The following DOCK8 variants were observed in gnomAD, a reference collection of about 807,000 sequenced individuals.
DOCK8 encodes the protein dedicator of cytokinesis 8, also known as dedicator of cytokinesis protein 8.
DOCK8 carries 141 observed loss-of-function variants against 245.6 expected under a neutral mutation model. The observed-to-expected ratio is 0.57, with a 90% CI of 0.50 to 0.66. DOCK8 has a LOEUF of 0.66. Among genes scored for constraint, DOCK8 ranks in the 30% least tolerant of loss-of-function variants. DOCK8 has a pLI of 0.00. For synonymous variants in DOCK8, 1,168 were observed against 970.2 expected (o/e 1.20, Z -3.79); for missense variants, 2,965 against 2,603.4 (o/e 1.14, Z -3.02).
At position 368,054 on chromosome 9, in the gene DOCK8, T is replaced by G. The variant is rs1476198473; in HGVS notation, c.1716T>G (p.Phe572Leu). Residue 572 changes from phenylalanine to leucine, a missense_variant, in exon 15 of 48, where the codon TTT becomes TTG. By Grantham distance (22) the Phe-to-Leu change is conservative. Around this residue, in one of 3 missense-constraint regions of DOCK8, gnomAD observed 2,825 missense variants for 2,453.5 expected, o/e 1.15. Coordinates refer to ENST00000432829, the MANE Select transcript of DOCK8 (RefSeq NM_203447.4). ...ATGTCTACCCACAGAGGCTGAACTT[T>G]GTAAACAAACTAGCATCAGCCCGGA... ...LLYVYPQRLN[F>L]VNKLASARNI... The G allele has an allele frequency of 6.2e-7, 1 of 1,614,216 alleles. No homozygotes were observed. The highest frequency in any genetic ancestry group is 8.5e-7 in the Non-Finnish European group (1 of 1,180,026).
chr9:412,669 A>T (rs968779032), intron 28 of DOCK8, among the ~76,000 whole-genome samples: 5 of 152,148 alleles, frequency 3.3e-5, no homozygotes, highest in African/African-American at 1.2e-4. Context: ...ATAAAATAGC[A>T]TCACAAAGAA....
intron 12 of DOCK8, among the ~76,000 whole-genome samples, chr9:337,464 G>C (rs1398813334): frequency 6.6e-6 from 1 of 152,126 alleles, no homozygotes; most frequent in Non-Finnish European, 1.5e-5. Context: ...CATTCATTAT[G>C]CTATGACAAC....
At chr9:386,560 C>A in intron 23 of DOCK8, 134 bp downstream of exon 23, 3 of 737,530 alleles carry the variant, frequency 4.1e-6, no homozygotes, top group Non-Finnish European at 4.7e-6. Context: ...ACACACCCCA[C>A]ACACACTTTT....
At chr9:423,185 A>G (rs1457106941) in intron 33 of DOCK8, among the ~76,000 whole-genome samples, 1 of 152,130 alleles carries the variant, frequency 6.6e-6, no homozygotes, top group African/African-American at 2.4e-5. Flanking sequence ...TGTTACCAGA[A>G]AAAAAATTAT....
chr9:269,088 A>G (rs1260480617), intron 1 of DOCK8, among the ~76,000 whole-genome samples: 2 of 152,230 alleles, frequency 1.3e-5, no homozygotes, highest in Admixed American at 1.3e-4. Context: ...ATATACTACA[A>G]AATTCACCCA....
At chr9:257,850 C>T (rs956808088) in intron 1 of DOCK8, among the ~76,000 whole-genome samples, 3 of 152,216 alleles carry the variant, frequency 2.0e-5, no homozygotes, top group African/African-American at 7.2e-5. Context: ...TAGCTGGGCC[C>T]ATCCCTAGAG....
chr9:374,452 T>TG (rs1431578950), intron 18 of DOCK8, among the ~76,000 whole-genome samples: 1 of 85,194 alleles, frequency 1.2e-5, no homozygotes, highest in Admixed American at 1.5e-4. Context: ...GGTCCTTTTG[T>TG]GTTTTTTTTT....
At chr9:296,329 T>C (rs1281419106) in intron 4 of DOCK8, among the ~76,000 whole-genome samples, 2 of 152,256 alleles carry the variant, frequency 1.3e-5, no homozygotes, top group Non-Finnish European at 2.9e-5. Context: ...CAAAGAGGGA[T>C]AAACTTCAGA....
intron 14 of DOCK8, among the ~76,000 whole-genome samples, chr9:351,015 C>T (rs1315646993): frequency 6.6e-6 from 1 of 152,092 alleles, no homozygotes; most frequent in Non-Finnish European, 1.5e-5. Context: ...GGGATGAGGC[C>T]GATTGACAAT....
intron 1 of DOCK8, among the ~76,000 whole-genome samples, chr9:223,102 C>T (rs1027240616): frequency 2.0e-5 from 3 of 152,016 alleles, no homozygotes; most frequent in Non-Finnish European, 4.4e-5. Flanking sequence ...GTAGTTAGTA[C>T]CACTCTGCTC....
chr9:316,975 G>A (rs1214077405), intron 6 of DOCK8, 68 bp from the exon 7 acceptor site: 2 of 1,277,908 alleles, frequency 1.6e-6, no homozygotes, highest in Admixed American at 1.7e-5. Context: ...TCCCTTCCCT[G>A]GGTTAACTCT....
chr9:441,307 A>G lies in DOCK8; in HGVS notation c.5245A>G (p.Asn1749Asp). Residue 1749 changes from asparagine to aspartate, a missense_variant, in exon 41 of 48, where the codon AAT (asparagine) becomes GAT (aspartate). Around this residue, in one of 3 missense-constraint regions of DOCK8, gnomAD observed 2,825 missense variants for 2,453.5 expected, o/e 1.15. Transcript: ENST00000432829. ...CAAGGGAGGCTTATATGAGACAGTT[A>G]ATGAGGTCTACAAGCTGGTCATCCC... Reference protein sequence around the residue: ...FSTGGLYETVNEVYKLVIPIL... With the variant: ...FSTGGLYETVDEVYKLVIPIL... 6.2e-7 allele frequency: 1 copy of G among 1,614,212 alleles called. No individual in the cohort carries two copies. Among genetic ancestry groups the G allele is most frequent in the Non-Finnish European group, 8.5e-7 (1 of 1,180,044 alleles).
rs73370597 is a variant in DOCK8, at chr9:215,296, A to G, written c.53+267A>G. The G allele has an allele frequency of 0.041, 65,819 of 1,605,700 alleles. 1,625 individuals are homozygous for G. The highest frequency in any genetic ancestry group is 0.083 in the Middle Eastern group (501 of 6,002). Reference sequence around the variant, plus strand: ...CCGCCGGGGATCCCTTCCCCGAACAACCTCGCCCGCTCCGCCCTCCAGGTT... The same window carrying G: ...CCGCCGGGGATCCCTTCCCCGAACAGCCTCGCCCGCTCCGCCCTCCAGGTT... On this transcript the variant is annotated intron_variant, in intron 1 of 47. Transcript: ENST00000432829.
At chr9:272,439 G>C (rs745374771) in intron 2 of DOCK8, among the ~76,000 whole-genome samples, 3 of 152,156 alleles carry the variant, frequency 2.0e-5, no homozygotes. Context: ...CTGGAGTACA[G>C]AGGTGTGATC....
At chr9:335,176 C>A (rs1166104051) in intron 11 of DOCK8, among the ~76,000 whole-genome samples, 1 of 152,214 alleles carries the variant, frequency 6.6e-6, no homozygotes, top group Non-Finnish European at 1.5e-5. Flanking sequence ...AAATGGGCAT[C>A]CAAAGAATAT....
intron 2 of DOCK8, chr9:273,187 A>G (rs2048213888): frequency 1.1e-6 from 1 of 923,454 alleles, no homozygotes; most frequent in East Asian, 1.2e-4. Context: ...CGAAAAACCT[A>G]TAGCATCTTT....
At chr9:400,863 C>CCACCAT (rs762524388) in intron 26 of DOCK8, among the ~76,000 whole-genome samples, 2 of 78,470 alleles carry the variant, frequency 2.5e-5, no homozygotes, top group South Asian at 4.1e-4. Context: ...ACCACCTCCT[C>CCACCAT]CACCATCACC....
intron 22 of DOCK8, among the ~76,000 whole-genome samples, chr9:384,871 G>A (rs1007616615): frequency 5.3e-5 from 8 of 152,244 alleles, no homozygotes; most frequent in East Asian, 3.9e-4. Context: ...AGCCAAGATC[G>A]TGCCACCGCA....
intron 39 of DOCK8, among the ~76,000 whole-genome samples, 193 bp downstream of exon 39, chr9:435,168 C>T (rs2056856732): frequency 6.6e-6 from 1 of 152,122 alleles, no homozygotes; most frequent in Admixed American, 6.5e-5. Context: ...AGGAGAGCTC[C>T]CCTGACAAAG....
Sources: gnomAD v4.1 joint callset for allele counts (sites outside exome capture counted in the v4.1 genomes callset) on GRCh38, gnomAD v4.1.1 for gene constraint, gnomAD v4.1.1 regional missense constraint, MANE v1.5 for transcripts, NCBI Gene and HGNC (gene_info 2026-07-23, HGNC 2026-07-21) for gene names.